BABAM2: variants seen among roughly 807,000 people sequenced by gnomAD.
The protein encoded by BABAM2 is BRISC and BRCA1 A complex member 2.
BABAM2 carries 31 observed loss-of-function variants against 54.7 expected under a neutral mutation model. The ratio of observed to expected loss-of-function variants is 0.57; its 90% CI spans 0.43 to 0.77. BABAM2 has a LOEUF of 0.77. BABAM2 is among the 30% of genes least tolerant of loss of function. BABAM2 has a pLI of 0.00. For synonymous variants in BABAM2, 167 were observed against 162.9 expected, an observed-to-expected ratio of 1.03 and a Z score of -0.19; for missense variants, 364 against 455.8, an observed-to-expected ratio of 0.80 and a Z score of 1.83.
intron 7 of BABAM2, among the ~76,000 whole-genome samples, chr2:28,185,579 C>T (rs1318924714): frequency 1.3e-5 from 2 of 152,106 alleles, no homozygotes; most frequent in Non-Finnish European, 2.9e-5. Flanking sequence ...TATCTCGATG[C>T]ATTTTTTTGT....
intron 3 of BABAM2, among the ~76,000 whole-genome samples, chr2:27,937,856 A>G (rs1424172725): frequency 1.3e-5 from 2 of 151,946 alleles, no homozygotes; most frequent in Non-Finnish European, 2.9e-5. Flanking sequence ...TATTTTTGAG[A>G]GCTTTTCCAA....
intron 7 of BABAM2, among the ~76,000 whole-genome samples, chr2:28,136,772 G>C (rs928748468): frequency 6.6e-6 from 1 of 152,140 alleles, no homozygotes; most frequent in African/African-American, 2.4e-5. Context: ...AGCAAACATG[G>C]TCTCTTGGAA....
At chr2:28,228,055 G>A (rs1361060757) in intron 7 of BABAM2, among the ~76,000 whole-genome samples, 1 of 152,150 alleles carries the variant, frequency 6.6e-6, no homozygotes. Flanking sequence ...TCTACAATGA[G>A]TATGTTGACA....
intron 3 of BABAM2, among the ~76,000 whole-genome samples, chr2:27,945,251 A>G (rs761709991): frequency 2.0e-5 from 3 of 151,342 alleles, no homozygotes; most frequent in South Asian, 2.1e-4. Flanking sequence ...CTGGTCTCGA[A>G]CTCCTGGCCT....
At chr2:27,973,333 A>G (rs1015414081) in intron 3 of BABAM2, among the ~76,000 whole-genome samples, 16 of 151,894 alleles carry the variant, frequency 1.1e-4, no homozygotes, top group African/African-American at 3.6e-4. Context: ...GACATCCTGG[A>G]CCCTGGCACT....
intron 3 of BABAM2, among the ~76,000 whole-genome samples, chr2:27,953,967 G>A (rs537914900): frequency 3.7e-4 from 57 of 152,210 alleles, no homozygotes; most frequent in Admixed American, 1.0e-3. Context: ...AACAAAATTC[G>A]TATCCAGTCT....
intron 7 of BABAM2, among the ~76,000 whole-genome samples, chr2:28,219,658 G>GAA (rs879783959): frequency 3.0e-5 from 4 of 134,754 alleles, no homozygotes; most frequent in African/African-American, 8.1e-5. Context: ...TGTTTAATCA[G>GAA]AAAAAAAAAA....
chr2:28,106,086 C>T (rs938486345), intron 6 of BABAM2, among the ~76,000 whole-genome samples: 1 of 151,616 alleles, frequency 6.6e-6, no homozygotes, highest in Non-Finnish European at 1.5e-5. Context: ...GCCTTCACCT[C>T]CAAATACTTT....
intron 9 of BABAM2, among the ~76,000 whole-genome samples, chr2:28,244,450 A>G (rs1311231157): frequency 4.9e-5 from 4 of 81,792 alleles, no homozygotes; most frequent in Non-Finnish European, 1.3e-4. Context: ...ATAGTATTTT[A>G]TGATTTATCT....
intron 7 of BABAM2, among the ~76,000 whole-genome samples, chr2:28,223,713 A>G (rs1420232946): frequency 6.6e-6 from 1 of 152,160 alleles, no homozygotes; most frequent in Admixed American, 6.5e-5. Flanking sequence ...AACTTTACCT[A>G]TTAACTGAGG....
intron 7 of BABAM2, among the ~76,000 whole-genome samples, chr2:28,200,758 TTTTGTTTG>T (rs61127965): frequency 6.6e-6 from 1 of 151,170 alleles, no homozygotes; most frequent in South Asian, 2.1e-4. Flanking sequence ...CTATGGGGTT[TTTTGTTTG>T]TTTGTTTGTT....
intron 10 of BABAM2, among the ~76,000 whole-genome samples, chr2:28,274,269 G>A (rs1249883293): frequency 6.6e-6 from 1 of 152,172 alleles, no homozygotes; most frequent in African/African-American, 2.4e-5. Flanking sequence ...GCTGTCTTCA[G>A]CTTCACTGTC....
intron 3 of BABAM2, among the ~76,000 whole-genome samples, chr2:27,955,197 G>C (rs1477731121): frequency 6.6e-6 from 1 of 152,178 alleles, no homozygotes; most frequent in Non-Finnish European, 1.5e-5. Flanking sequence ...CTGATTTCCT[G>C]TCAGTTCCTG....
intron 6 of BABAM2, among the ~76,000 whole-genome samples, chr2:28,099,710 TA>T (rs1203410289): frequency 4.6e-5 from 7 of 152,226 alleles, no homozygotes; most frequent in African/African-American, 1.7e-4. Flanking sequence ...ATAACATTCT[TA>T]CCTATTTTTG....
At chr2:28,220,821 C>G (rs1353365642) in intron 7 of BABAM2, among the ~76,000 whole-genome samples, 1 of 152,124 alleles carries the variant, frequency 6.6e-6, no homozygotes, top group Non-Finnish European at 1.5e-5. Context: ...ACTTAGGACG[C>G]TGAGGTAGGA....
chr2:28,030,818 G>T (rs1027805175), intron 5 of BABAM2, among the ~76,000 whole-genome samples: 1 of 152,092 alleles, frequency 6.6e-6, no homozygotes, highest in Non-Finnish European at 1.5e-5. Flanking sequence ...TCCAAAATGG[G>T]TCTCCCTTGG....
At chr2:27,977,330 A>G (rs1202724002) in intron 3 of BABAM2, among the ~76,000 whole-genome samples, 2 of 152,236 alleles carry the variant, frequency 1.3e-5, no homozygotes, top group Non-Finnish European at 2.9e-5. Flanking sequence ...ATTTGAAGTT[A>G]GGAGTGCCAA....
At chr2:27,961,102 T>C (rs1033658391) in intron 3 of BABAM2, among the ~76,000 whole-genome samples, 1 of 152,166 alleles carries the variant, frequency 6.6e-6, no homozygotes, top group Non-Finnish European at 1.5e-5. Context: ...TATTTTTTTT[T>C]TGTTTCTGAG....
chr2:28,049,039 T>A (rs1184478100), intron 6 of BABAM2, among the ~76,000 whole-genome samples: 1 of 152,182 alleles, frequency 6.6e-6, no homozygotes, highest in Non-Finnish European at 1.5e-5. Flanking sequence ...AAAGAAAAGG[T>A]TTGAATTGTC....
Sources: allele counts gnomAD v4.1 joint callset (sites outside exome capture counted in the v4.1 genomes callset), GRCh38; gene constraint gnomAD v4.1.1; transcripts MANE v1.5; gene names NCBI Gene and HGNC (gene_info 2026-07-23, HGNC 2026-07-21).